The following TREML4 variants were observed in gnomAD, a reference collection of about 807,000 sequenced individuals.
TREML4 encodes the protein triggering receptor expressed on myeloid cells like 4.
In TREML4, 25 loss-of-function variants were observed where a neutral mutation model predicts 25.4. That is an observed-to-expected ratio of 0.98 (90% confidence interval 0.72 to 1.37). The LOEUF (loss-of-function observed/expected upper bound fraction) is 1.37, where lower values mean the gene tolerates loss of function less well. Ranked by LOEUF, TREML4 falls within the 40% of genes most tolerant of loss-of-function variation. The probability of loss-of-function intolerance (pLI) is 0.00; values close to 1 mark genes in which losing one functional copy is unlikely to be tolerated. For missense variants in TREML4, 268 were observed against 236.5 expected (o/e 1.13, Z -0.87); for synonymous variants, 92 against 87.9 (o/e 1.05, Z -0.26).
intron 4 of TREML4, among the ~76,000 whole-genome samples, chr6:41,235,724 C>A (rs1275730883): frequency 6.6e-6 from 1 of 152,066 alleles, no homozygotes; most frequent in Non-Finnish European, 1.5e-5. Context: ...CAATTTCTCC[C>A]AAATTAAAAA....
In TREML4 at chr6:41,236,571, C is replaced by G. The variant is rs1766907264; in HGVS notation, c.592C>G (p.Leu198Val). ...VLCGLLLAKGLML is the reference protein window; with the variant it reads ...VLCGLLLAKGVML ...ATGTGGACTCCTCCTGGCCAAGGGC[C>G]TGATGTTGTGAGTCCTGTTAGTGCT... Residue 198 changes from leucine to valine, a missense_variant, in exon 5 of 6, where the codon CTG (leucine) becomes GTG (valine). Leu to Val is a conservative substitution (Grantham distance 32). Transcript: ENST00000341495. 6.2e-7 allele frequency: 1 copy of G among 1,613,798 alleles called. No homozygotes were observed. The highest frequency in any genetic ancestry group is 8.5e-7 in the Non-Finnish European group (1 of 1,179,840).
At chr6:41,229,466 C>T (rs1404098608) in intron 2 of TREML4, 55 bp from the exon 3 acceptor site, 1 of 1,591,296 alleles carries the variant, frequency 6.3e-7, no homozygotes, top group Non-Finnish European at 8.6e-7. Flanking sequence ...ATGGGGTAGA[C>T]CCTACTCTCT....
rs1766907308 is a variant in TREML4, at chr6:41,236,573, G to A, written c.594G>A (p.Leu198=). Residue 198 remains leucine (L), a synonymous_variant, in exon 5 of 6, where the codon CTG becomes CTA. Transcript: ENST00000341495. ...GTGGACTCCTCCTGGCCAAGGGCCT[G>A]ATGTTGTGAGTCCTGTTAGTGCTCC... The part of the protein sequence containing the change: ...VLCGLLLAKG[L]ML 6.2e-7 allele frequency: 1 copy of A among 1,613,828 alleles called. No homozygotes were observed. The highest frequency in any genetic ancestry group is 1.7e-5 in the Admixed American group (1 of 60,038).
At chr6:41,230,182 C>A in intron 4 of TREML4, 60 bp downstream of exon 4, 1 of 1,409,950 alleles carries the variant, frequency 7.1e-7, no homozygotes, top group South Asian at 1.1e-5. Flanking sequence ...CTGATTAGCT[C>A]CTGAACCTTG....
chr6:41,236,356 C>A (rs9394777), intron 4 of TREML4, 130 bp from the exon 5 acceptor site: 1 of 689,066 alleles, frequency 1.5e-6, no homozygotes, highest in Middle Eastern at 2.6e-4. Flanking sequence ...CCACACCCCT[C>A]TGTCATCGTT....
chr6:41,236,380 T>TA (rs1473564417), intron 4 of TREML4, 106 bp from the exon 5 acceptor site: 1 of 904,374 alleles, frequency 1.1e-6, no homozygotes, highest in Non-Finnish European at 1.8e-6. Context: ...GGTGGGCCCT[T>TA]ACGCAAACAG....
At chr6:41,234,724 T>G (rs903727664) in intron 4 of TREML4, among the ~76,000 whole-genome samples, 1 of 151,804 alleles carries the variant, frequency 6.6e-6, no homozygotes, top group Admixed American at 6.6e-5. Context: ...CTGAAACAGT[T>G]GATAAGACCC....
intron 4 of TREML4, among the ~76,000 whole-genome samples, chr6:41,234,900 A>G (rs1307567202): frequency 6.6e-6 from 1 of 151,702 alleles, no homozygotes; most frequent in African/African-American, 2.4e-5. Flanking sequence ...AAATCTCAGA[A>G]CTAATTAAAG....
At chr6:41,230,897 G>A (rs1018642547) in intron 4 of TREML4, among the ~76,000 whole-genome samples, 12 of 152,208 alleles carry the variant, frequency 7.9e-5, no homozygotes, top group African/African-American at 2.4e-4. Context: ...TTGAATTACA[G>A]CCTCTTTCCA....
chr6:41,236,698 GC>G, intron 5 of TREML4, 81 bp downstream of exon 5: 2 of 766,912 alleles, frequency 2.6e-6, no homozygotes, highest in Non-Finnish European at 4.3e-6. Context: ...GGAAGAAGCA[GC>G]CAGGTCACAG....
chr6:41,228,746 A>G lies in TREML4; in HGVS notation c.96A>G (p.Pro32=), dbSNP rs767447620. ...TGCCTGAAGAACTTCACAAACACCC[A>G]GGACAGACCCTCCTCCTGCAATGCC... is the stretch of plus-strand genomic sequence containing the variant. ...GAVPEELHKH[P]GQTLLLQCQY... The change falls in exon 2 of 6, where the codon CCA becomes CCG. Residue 32 remains proline (P), a synonymous_variant. Coordinates refer to ENST00000341495, the MANE Select transcript of TREML4 (RefSeq NM_198153.3). 4.3e-6 allele frequency: 7 copies of G among 1,614,048 alleles called. No individual in the cohort carries two copies. Among genetic ancestry groups the G allele is most frequent in the South Asian group, 1.1e-5 (1 of 91,070 alleles).
rs984654203 is a variant in TREML4 at position 41,237,561 on chromosome 6, G to A, written c.*542G>A. 6 of 152,310 alleles carry A rather than the reference G, an allele frequency of 3.9e-5. No individual in the cohort carries two copies. Among genetic ancestry groups the A allele is most frequent in the African/African-American group, 1.4e-4 (6 of 41,562 alleles). The allele number at this position is 152,310 out of a possible 1,614,324, so 9.4% of individuals were successfully genotyped here. On this transcript the variant is annotated 3_prime_UTR_variant, in exon 6 of 6. Transcript: ENST00000341495. ...TCTGAACTGAAATGTGTCAGGGGCA[G>A]CTGAGCAAGACAGCAGTTGTATCCC...
chr6:41,232,705 T>C (rs1249636723), intron 4 of TREML4, among the ~76,000 whole-genome samples: 3 of 152,182 alleles, frequency 2.0e-5, no homozygotes, highest in African/African-American at 4.8e-5. Context: ...TGGCAGATGA[T>C]CAGGCATTTG....
intron 4 of TREML4, among the ~76,000 whole-genome samples, chr6:41,231,924 A>G (rs1181205490): frequency 1.3e-5 from 2 of 152,226 alleles, no homozygotes; most frequent in Non-Finnish European, 2.9e-5. Flanking sequence ...AAAGATTCAT[A>G]CATTGCCAAA....
intron 4 of TREML4, among the ~76,000 whole-genome samples, chr6:41,231,655 C>A (rs930831767): frequency 7.2e-5 from 11 of 152,022 alleles, no homozygotes; most frequent in African/African-American, 2.7e-4. Flanking sequence ...ATATTATAGA[C>A]CACAATATAT....
rs1766715806 is a variant in TREML4 at position 41,228,350 on chromosome 6, G to A, written c.-78G>A. On this transcript the variant is annotated 5_prime_UTR_variant, in exon 1 of 6. Transcript: ENST00000341495. ...ACACTGGGAACCTGGGGCAGAATCA[G>A]ACCCAGCGTCTGACTCCTCCTGAGA... 2 of 936,338 alleles carry A rather than the reference G, an allele frequency of 2.1e-6. No individual in the cohort carries two copies. The highest frequency in any genetic ancestry group is 3.4e-5 in the South Asian group (2 of 59,530). 58.0% of individuals were successfully genotyped at this position (936,338 alleles called of 1,614,324 possible).
At chr6:41,229,467 C>A (rs1361149033) in intron 2 of TREML4, 54 bp from the exon 3 acceptor site, 2 of 1,593,050 alleles carry the variant, frequency 1.3e-6, no homozygotes, top group Middle Eastern at 1.7e-4. Context: ...TGGGGTAGAC[C>A]CTACTCTCTT....
intron 4 of TREML4, among the ~76,000 whole-genome samples, 163 bp downstream of exon 4, chr6:41,230,285 T>C (rs1207244632): frequency 6.6e-6 from 1 of 151,876 alleles, no homozygotes; most frequent in East Asian, 1.9e-4. Flanking sequence ...CAAAATTTGG[T>C]AGTGAGGAAA....
At chr6:41,235,156 G>A (rs1449058886) in intron 4 of TREML4, among the ~76,000 whole-genome samples, 1 of 152,018 alleles carries the variant, frequency 6.6e-6, no homozygotes, top group African/African-American at 2.4e-5. Context: ...GGGACCTTGA[G>A]CACATTTATG....
Sources: allele counts gnomAD v4.1 joint callset (sites outside exome capture counted in the v4.1 genomes callset), GRCh38; gene constraint gnomAD v4.1.1; transcripts MANE v1.5; gene names NCBI Gene and HGNC (gene_info 2026-07-23, HGNC 2026-07-21).